The following ANO6 variants were observed in gnomAD, a reference collection of about 807,000 sequenced individuals.
The protein encoded by ANO6 is anoctamin-6.
Under a neutral mutation model 117.5 loss-of-function variants are expected in ANO6, and 106 were observed. The ratio of observed to expected loss-of-function variants is 0.90; its 90% confidence interval spans 0.77 to 1.06. The LOEUF (loss-of-function observed/expected upper bound fraction) is 1.06, where lower values mean the gene tolerates loss of function less well. Among genes scored for constraint, ANO6 ranks in the 50% least tolerant of loss-of-function variants. ANO6 has a pLI of 0.00. For synonymous variants in ANO6, 367 were observed against 385.1 expected (o/e 0.95, Z 0.55); for missense variants, 955 against 1,121.1 (o/e 0.85, Z 2.12).
At chr12:45,427,796 C>T (rs888338894) in intron 19 of ANO6, among the ~76,000 whole-genome samples, 1 of 150,198 alleles carries the variant, frequency 6.7e-6, no homozygotes, top group Non-Finnish European at 1.5e-5. Context: ...CAAAATTAGC[C>T]GGGCATGGTG....
At chr12:45,337,512 C>T (rs758754544) in intron 3 of ANO6, among the ~76,000 whole-genome samples, 15 of 151,944 alleles carry the variant, frequency 9.9e-5, no homozygotes, top group African/African-American at 3.4e-4. Flanking sequence ...ATTCTCAGAA[C>T]GTATCCCTGT....
chr12:45,325,703 C>T (rs1461609830), intron 2 of ANO6, among the ~76,000 whole-genome samples: 1 of 152,060 alleles, frequency 6.6e-6, no homozygotes, highest in Admixed American at 6.6e-5. Context: ...TATTGTTCTG[C>T]TTTTCTGCAG....
intron 1 of ANO6, among the ~76,000 whole-genome samples, chr12:45,279,975 A>AT (rs1310671928): frequency 6.6e-6 from 1 of 152,026 alleles, no homozygotes; most frequent in East Asian, 1.9e-4. Flanking sequence ...AAAATTGTGG[A>AT]TTTTTTTTCC....
At chr12:45,263,531 A>G (rs12818421) in intron 1 of ANO6, among the ~76,000 whole-genome samples, 7,532 of 152,138 alleles carry the variant, frequency 0.05, 450 homozygotes, top group East Asian at 0.32. Flanking sequence ...CTTTTAGGAC[A>G]CTAATAATTG....
At chr12:45,344,838 A>G (rs977168261) in intron 3 of ANO6, among the ~76,000 whole-genome samples, 5 of 152,182 alleles carry the variant, frequency 3.3e-5, no homozygotes, top group African/African-American at 9.7e-5. Context: ...AAGAAGTAGA[A>G]TGAATCTGAG....
At chr12:45,343,284 G>A (rs1941033341) in intron 3 of ANO6, among the ~76,000 whole-genome samples, 2 of 152,254 alleles carry the variant, frequency 1.3e-5, no homozygotes, top group Non-Finnish European at 2.9e-5. Flanking sequence ...TCTTCTGACT[G>A]ATTCTCCTAC....
chr12:45,317,136 T>TATATATATG (rs1940070455), intron 2 of ANO6, among the ~76,000 whole-genome samples: 2 of 108,958 alleles, frequency 1.8e-5, no homozygotes, highest in Non-Finnish European at 2.1e-5. Flanking sequence ...TATATATTTA[T>TATATATATG]TATACTTTAA....
At position 45,431,490 on chromosome 12, in the gene ANO6, G is replaced by GA. The variant is rs1943631515; in HGVS notation, c.*2183dup. 1.0e-6 allele frequency: 1 copy of GA among 985,304 alleles called. No individual in the cohort carries two copies. 61.0% of individuals were successfully genotyped at this position (985,304 alleles called of 1,614,324 possible). ...CATTTGTTTTCATAGCCCCAGCAGA[G>GA]AAAATCCTCTTCATAGATTAAATGT... is the stretch of plus-strand genomic sequence containing the variant. On this transcript the variant is annotated 3_prime_UTR_variant, in exon 20 of 20. Coordinates refer to ENST00000320560, the MANE Select transcript of ANO6 (RefSeq NM_001025356.3).
intron 7 of ANO6, among the ~76,000 whole-genome samples, chr12:45,354,558 G>A (rs1157406555): frequency 6.6e-6 from 1 of 152,128 alleles, no homozygotes; most frequent in African/African-American, 2.4e-5. Flanking sequence ...AGAGTCATCA[G>A]TCAAGGTTGG....
intron 3 of ANO6, among the ~76,000 whole-genome samples, chr12:45,340,012 T>C (rs1485361008): frequency 6.6e-6 from 1 of 152,082 alleles, no homozygotes; most frequent in Non-Finnish European, 1.5e-5. Context: ...AAAAGGTGGG[T>C]AATAGAAAGA....
chr12:45,304,022 T>G (rs1939584513), intron 2 of ANO6, among the ~76,000 whole-genome samples: 1 of 152,224 alleles, frequency 6.6e-6, no homozygotes, highest in African/African-American at 2.4e-5. Flanking sequence ...GTTCATAACA[T>G]GTTCGGGAGA....
chr12:45,401,799 T>C lies in ANO6; in HGVS notation c.1391T>C (p.Leu464Pro). 3.7e-6 allele frequency: 6 copies of C among 1,613,480 alleles called. No individual in the cohort carries two copies. The highest frequency in any genetic ancestry group is 5.1e-6 in the Non-Finnish European group (6 of 1,179,692). The part of the protein sequence containing the change: ...LCASAVFFWI[L>P]LIIASVIGII... Reference sequence around the variant, plus strand: ...CTGTGTTTGTTGTGCTTTCAGATCCTATTGATCATCGCTTCAGTTATTGGG... The same window carrying C: ...CTGTGTTTGTTGTGCTTTCAGATCCCATTGATCATCGCTTCAGTTATTGGG... Residue 464 changes from leucine (L) to proline (P), a missense_variant, in exon 13 of 20, where the codon CTA becomes CCA. Physicochemically the swap from Leu to Pro is moderately conservative, Grantham distance 98. Transcript: ENST00000320560.
intron 1 of ANO6, among the ~76,000 whole-genome samples, chr12:45,241,911 A>G (rs908311783): frequency 4.6e-5 from 7 of 152,204 alleles, no homozygotes; most frequent in Admixed American, 2.0e-4. Flanking sequence ...CAGAACAGCA[A>G]ATGTTGCTGC....
rs1012093275 is a variant in ANO6 at position 45,331,367 on chromosome 12, T to C, written c.223T>C (p.Tyr75His). ...GQRRIDFVLV[Y>H]EDESRKETNK... ...GCGAAGAATTGACTTTGTTCTAGTA[T>C]ATGAGGATGAAAGCAGAAAAGAGAC... is the stretch of plus-strand genomic sequence containing the variant. Residue 75 changes from tyrosine to histidine, a missense_variant, in exon 3 of 20, where the codon TAT becomes CAT. Transcript: ENST00000320560. The C allele has an allele frequency of 4.3e-6, 7 of 1,610,106 alleles. No individual in the cohort carries two copies. The East Asian group carries it at 1.3e-4, about 31-fold the overall frequency.
At chr12:45,391,038 T>C (rs2137584741) in intron 12 of ANO6, among the ~76,000 whole-genome samples, 1 of 152,116 alleles carries the variant, frequency 6.6e-6, no homozygotes, top group East Asian at 1.9e-4. Context: ...CGAGAGTCAC[T>C]TGAACCCAGG....
chr12:45,383,945 C>G (rs1305803867), intron 10 of ANO6, among the ~76,000 whole-genome samples: 2 of 152,234 alleles, frequency 1.3e-5, no homozygotes, highest in African/African-American at 4.8e-5. Flanking sequence ...TGACTTCTCT[C>G]TAGCTGTGAA....
chr12:45,331,324 C>T lies in ANO6; in HGVS notation c.180C>T (p.Leu60=), dbSNP rs1444933232. Residue 60 remains leucine (L), a synonymous_variant, in exon 3 of 20, where the codon CTC becomes CTT. Transcript: ENST00000320560. ...AATTTAATGGAAAACCTGACTCCCT[C>T]TTTTTTAATGATGGCCAGCGAAGAA... ...FEEFNGKPDS[L]FFNDGQRRID... 4 of 1,609,744 alleles carry T rather than the reference C, an allele frequency of 2.5e-6. No homozygotes were observed. Among genetic ancestry groups the T allele is most frequent in the Non-Finnish European group, 3.4e-6 (4 of 1,177,808 alleles).
chr12:45,293,567 A>T (rs1012868498), intron 1 of ANO6, among the ~76,000 whole-genome samples: 4 of 151,374 alleles, frequency 2.6e-5, no homozygotes, highest in Non-Finnish European at 4.4e-5. Flanking sequence ...GTATTATATT[A>T]TATTTTATTT....
chr12:45,348,167 A>T lies in ANO6; in HGVS notation c.485A>T (p.Asn162Ile). The change falls in exon 5 of 20, where the codon AAC (asparagine) becomes ATC (isoleucine). Residue 162 changes from asparagine (N) to isoleucine (I), a missense_variant. Coordinates refer to ENST00000320560, the MANE Select transcript of ANO6 (RefSeq NM_001025356.3). The stretch of plus-strand genomic sequence containing the variant: ...CGGTCCTCAGCCTTTGGTACACTCA[A>T]CTGGTTTACCAAAGTCCTCAGTGTA... The part of the protein sequence containing the change: ...KNRSSAFGTL[N>I]WFTKVLSVDE... 3 of 1,614,100 alleles carry T rather than the reference A, an allele frequency of 1.9e-6. No homozygotes were observed. Among genetic ancestry groups the T allele is most frequent in the Non-Finnish European group, 2.5e-6 (3 of 1,179,990 alleles).
Sources: allele counts gnomAD v4.1 joint callset (sites outside exome capture counted in the v4.1 genomes callset), GRCh38; gene constraint gnomAD v4.1.1; transcripts MANE v1.5; gene names NCBI Gene and HGNC (gene_info 2026-07-23, HGNC 2026-07-21).